Variants in CPEB3 observed in about 807,000 individuals in gnomAD.
CPEB3 encodes the protein cytoplasmic polyadenylation element-binding protein 3.
A neutral mutation model predicts 67.2 loss-of-function variants in CPEB3; 20 were observed. That is an observed-to-expected ratio of 0.30 (90% CI 0.21 to 0.43). The LOEUF (loss-of-function observed/expected upper bound fraction) is 0.43. CPEB3 is among the 20% of genes least tolerant of loss of function. CPEB3 has a pLI of 1.00. For synonymous variants in CPEB3, 376 were observed against 393.1 expected (o/e 0.96, Z 0.51); for missense variants, 746 against 968.6 (o/e 0.77, Z 3.05).
chr10:92,266,222 C>T (rs1022660363), intron 1 of CPEB3, among the ~76,000 whole-genome samples: 1 of 152,028 alleles, frequency 6.6e-6, no homozygotes, highest in Admixed American at 6.6e-5. Flanking sequence ...CTGTCATAAG[C>T]GACAGAAAAC....
At chr10:92,287,651 C>G (rs1472548296) in intron 1 of CPEB3, among the ~76,000 whole-genome samples, 1 of 152,018 alleles carries the variant, frequency 6.6e-6, no homozygotes, top group Non-Finnish European at 1.5e-5. Flanking sequence ...GCTAATTACT[C>G]TTTTAAAAGC....
chr10:92,199,419 G>A (rs1161758082), intron 2 of CPEB3, among the ~76,000 whole-genome samples: 6 of 147,046 alleles, frequency 4.1e-5, no homozygotes, highest in African/African-American at 7.5e-5. Context: ...AAGGCCAGGC[G>A]CGGTGGCTCA....
chr10:92,289,355 T>G (rs559387958), intron 1 of CPEB3, among the ~76,000 whole-genome samples: 1 of 152,020 alleles, frequency 6.6e-6, no homozygotes, highest in African/African-American at 2.4e-5. Context: ...CTGGTCAACA[T>G]ATAGTGAAAC....
chr10:92,130,889 C>T (rs780270779), intron 6 of CPEB3, among the ~76,000 whole-genome samples: 2 of 152,128 alleles, frequency 1.3e-5, no homozygotes, highest in Non-Finnish European at 2.9e-5. Context: ...AAGCCTAATA[C>T]AGCTAAACAA....
chr10:92,275,479 A>G lies in CPEB3; in HGVS notation c.-12+15447T>C, dbSNP rs568392073. Among the ~76,000 whole-genome samples the G allele has an allele frequency of 3.3e-5, 5 of 152,342 alleles. No homozygotes were observed. The South Asian group carries it at 6.2e-4, about 19-fold the overall frequency. On this transcript the variant is annotated intron_variant, in intron 1 of 9. Transcript: ENST00000265997. ...ATGGGTATGTCATAAATTATTGAGTAGTAAGTCTACTAACAGATTTTAAGG... is the reference window on the plus strand; with the variant it reads ...ATGGGTATGTCATAAATTATTGAGTGGTAAGTCTACTAACAGATTTTAAGG...
At chr10:92,076,587 C>CT in intron 9 of CPEB3, among the ~76,000 whole-genome samples, 1 of 151,800 alleles carries the variant, frequency 6.6e-6, no homozygotes, top group East Asian at 1.9e-4. Flanking sequence ...TAAAAAAACT[C>CT]TGTGTGTGTA....
chr10:92,053,475 T>C (rs886397024), intron 9 of CPEB3, among the ~76,000 whole-genome samples: 3 of 151,802 alleles, frequency 2.0e-5, no homozygotes, highest in African/African-American at 7.3e-5. Flanking sequence ...GTGATTCTCC[T>C]GCCTCAGCCT....
At chr10:92,272,802 T>A (rs1214085897) in intron 1 of CPEB3, among the ~76,000 whole-genome samples, 2 of 152,278 alleles carry the variant, frequency 1.3e-5, no homozygotes, top group African/African-American at 4.8e-5. Flanking sequence ...TTTAAACAGG[T>A]CACAGAAAGA....
At chr10:92,103,370 T>C (rs1844287242) in intron 7 of CPEB3, among the ~76,000 whole-genome samples, 1 of 152,248 alleles carries the variant, frequency 6.6e-6, no homozygotes, top group Non-Finnish European at 1.5e-5. Context: ...CTAGGCATTT[T>C]ACAGTCACAC....
intron 6 of CPEB3, among the ~76,000 whole-genome samples, chr10:92,113,268 C>T (rs1358543723): frequency 2.0e-5 from 3 of 152,224 alleles, no homozygotes; most frequent in African/African-American, 7.2e-5. Flanking sequence ...CTAGAAAAGA[C>T]AATACATACA....
chr10:92,125,102 G>A (rs560096802), intron 6 of CPEB3, among the ~76,000 whole-genome samples: 39 of 152,376 alleles, frequency 2.6e-4, no homozygotes, highest in South Asian at 8.3e-4. Flanking sequence ...TGCAGAGGAC[G>A]TATAGAATCA....
intron 6 of CPEB3, among the ~76,000 whole-genome samples, chr10:92,112,124 T>TC (rs1375523625): frequency 8.8e-6 from 1 of 113,728 alleles, no homozygotes; most frequent in African/African-American, 3.9e-5. Flanking sequence ...AAGACCACGT[T>TC]CCTTTTTTTT....
intron 4 of CPEB3, among the ~76,000 whole-genome samples, chr10:92,146,581 C>A (rs1463272469): frequency 1.3e-5 from 2 of 152,088 alleles, no homozygotes; most frequent in East Asian, 3.8e-4. Flanking sequence ...ACATGTATTT[C>A]TTTTACAAAA....
At chr10:92,114,761 C>T (rs1374414971) in intron 6 of CPEB3, among the ~76,000 whole-genome samples, 1 of 152,214 alleles carries the variant, frequency 6.6e-6, no homozygotes, top group Non-Finnish European at 1.5e-5. Flanking sequence ...ATTAACATTT[C>T]TGAATCCTGG....
chr10:92,223,553 G>A (rs1014802626), intron 2 of CPEB3, among the ~76,000 whole-genome samples: 1 of 147,078 alleles, frequency 6.8e-6, no homozygotes, highest in Middle Eastern at 3.6e-3. Context: ...TTCCAGGTGA[G>A]CTCCTAATTA....
At chr10:92,174,695 A>G (rs1848147601) in intron 4 of CPEB3, among the ~76,000 whole-genome samples, 1 of 152,180 alleles carries the variant, frequency 6.6e-6, no homozygotes. Context: ...AGTGAGGGTA[A>G]ACAATCATCT....
At chr10:92,216,465 G>C (rs767563592) in intron 2 of CPEB3, 20 of 1,612,832 alleles carry the variant, frequency 1.2e-5, no homozygotes, top group Non-Finnish European at 1.6e-5. Context: ...CGCCTCAAGC[G>C]GAAGCTCTAC....
Position 92,239,591 on chromosome 10 carries a change from C to T in CPEB3, c.760G>A (p.Ala254Thr). 6.4e-7 allele frequency: 1 copy of T among 1,554,538 alleles called. No individual in the cohort carries two copies. The highest frequency in any genetic ancestry group is 8.7e-7 in the Non-Finnish European group (1 of 1,148,778). The part of the protein sequence containing the change: ...THQSVNAAWS[A>T]PSNPWGGLQA... ...AGGCCGCCCCAGGGGTTGGACGGTG[C>T]GCTCCAGGCTGCATTCACGCTTTGG... The change falls in exon 2 of 10, where the codon GCA becomes ACA. Residue 254 changes from alanine (A) to threonine (T), a missense_variant. Ala to Thr is a moderately conservative substitution (Grantham distance 58). Around this residue, in one of 2 missense-constraint regions of CPEB3, gnomAD observed 643 missense variants for 717.5 expected, o/e 0.90. Coordinates refer to ENST00000265997, the MANE Select transcript of CPEB3 (RefSeq NM_014912.5). This position sits in a 1 kb window ranked among gnomAD's most constrained non-coding sequence, Gnocchi z 6.0.
intron 6 of CPEB3, among the ~76,000 whole-genome samples, chr10:92,128,135 C>A (rs747234374): frequency 2.0e-5 from 3 of 152,118 alleles, no homozygotes; most frequent in Non-Finnish European, 4.4e-5. Flanking sequence ...GGTTAAGTAA[C>A]CTTCACAAAA....
Sources: gnomAD v4.1 joint callset for allele counts (sites outside exome capture counted in the v4.1 genomes callset) on GRCh38, gnomAD v4.1.1 for gene constraint, gnomAD v4.1.1 regional missense constraint, Gnocchi (gnomAD v3.1) non-coding constraint, MANE v1.5 for transcripts, NCBI Gene and HGNC (gene_info 2026-07-23, HGNC 2026-07-21) for gene names.